The following ARB2A variants were observed in gnomAD, a reference collection of about 807,000 sequenced individuals.
The protein encoded by ARB2A is ARB2 cotranscriptional regulator A.
the ARB2A span, among the ~76,000 whole-genome samples, chr5:93,729,163 G>A: frequency 1.3e-5 from 2 of 151,642 alleles, no homozygotes; most frequent in East Asian, 1.9e-4. Context: ...TATCCTTTAC[G>A]TTGTTCCCCG....
the ARB2A span, among the ~76,000 whole-genome samples, chr5:93,933,068 T>G: frequency 6.6e-6 from 1 of 152,282 alleles, no homozygotes; most frequent in South Asian, 2.1e-4. Flanking sequence ...TCATCACTGG[T>G]CATTAAAGAA....
chr5:93,994,621 C>T, the ARB2A span, among the ~76,000 whole-genome samples: 1 of 151,766 alleles, frequency 6.6e-6, no homozygotes, highest in Non-Finnish European at 1.5e-5. Context: ...TCAATAAATA[C>T]ACTGGTAAAT....
At chr5:93,618,065 G>A in the ARB2A span, 12 of 151,866 alleles carry the variant, frequency 7.9e-5, no homozygotes, top group Admixed American at 6.6e-4. Flanking sequence ...TAATAACACC[G>A]CTGTTGTTGG....
chr5:94,004,002 T>C, the ARB2A span, among the ~76,000 whole-genome samples: 2 of 152,168 alleles, frequency 1.3e-5, no homozygotes, highest in Non-Finnish European at 2.9e-5. Context: ...TATAGATCAA[T>C]AGAATATAAT....
At chr5:93,704,278 G>A in the ARB2A span, among the ~76,000 whole-genome samples, 1 of 152,200 alleles carries the variant, frequency 6.6e-6, no homozygotes, top group African/African-American at 2.4e-5. Flanking sequence ...GCCCAAGTAT[G>A]TAGTGGACTT....
At chr5:93,797,181 C>T in the ARB2A span, among the ~76,000 whole-genome samples, 2 of 152,114 alleles carry the variant, frequency 1.3e-5, no homozygotes, top group Non-Finnish European at 2.9e-5. Context: ...CATCTGACAG[C>T]TCTGATGCAT....
the ARB2A span, among the ~76,000 whole-genome samples, chr5:93,873,139 C>G: frequency 6.6e-6 from 1 of 151,614 alleles, no homozygotes; most frequent in Non-Finnish European, 1.5e-5. Context: ...TTAAAAATCT[C>G]CTGTGCGTCA....
At chr5:93,904,889 A>C in the ARB2A span, among the ~76,000 whole-genome samples, 1 of 151,742 alleles carries the variant, frequency 6.6e-6, no homozygotes, top group Non-Finnish European at 1.5e-5. Context: ...TTTTCTATTA[A>C]GGAGTCAATG....
chr5:93,628,515 A>T, the ARB2A span, among the ~76,000 whole-genome samples: 1 of 152,242 alleles, frequency 6.6e-6, no homozygotes, highest in African/African-American at 2.4e-5. Context: ...AAAGTCCTAG[A>T]TGGCATCTTC....
At chr5:94,012,318 C>T in the ARB2A span, among the ~76,000 whole-genome samples, 3 of 152,326 alleles carry the variant, frequency 2.0e-5, no homozygotes, top group Non-Finnish European at 2.9e-5. Flanking sequence ...AGGAGAATGG[C>T]GTGAACCCGG....
the ARB2A span, among the ~76,000 whole-genome samples, chr5:93,788,549 C>T: frequency 6.6e-6 from 1 of 152,184 alleles, no homozygotes; most frequent in South Asian, 2.1e-4. Flanking sequence ...AATTCAAATG[C>T]TTCATGTCAT....
the ARB2A span, among the ~76,000 whole-genome samples, chr5:93,831,889 C>G: frequency 1.3e-5 from 2 of 152,164 alleles, no homozygotes; most frequent in South Asian, 4.1e-4. Context: ...TAAATGTCTT[C>G]AGCTTGACTA....
chr5:93,668,103 T>TA, the ARB2A span, among the ~76,000 whole-genome samples: 1 of 152,172 alleles, frequency 6.6e-6, no homozygotes, highest in African/African-American at 2.4e-5. Flanking sequence ...TTAAAGCTTT[T>TA]AAAAAAATTA....
At chr5:93,683,780 G>A in the ARB2A span, 2 of 1,403,742 alleles carry the variant, frequency 1.4e-6, no homozygotes, top group South Asian at 1.2e-5. Context: ...CGCTGCTGCA[G>A]AGAACAGCCG....
At chr5:93,715,732 G>A in the ARB2A span, among the ~76,000 whole-genome samples, 32 of 149,952 alleles carry the variant, frequency 2.1e-4, no homozygotes, top group South Asian at 4.7e-3. Context: ...AATTTGGCAC[G>A]CAATTTCCTA....
chr5:93,638,346 C>CT, the ARB2A span, among the ~76,000 whole-genome samples: 1 of 152,186 alleles, frequency 6.6e-6, no homozygotes. Context: ...CTTGCTGGCA[C>CT]TTTGACAGGA....
At chr5:93,837,085 A>G in the ARB2A span, among the ~76,000 whole-genome samples, 1 of 152,108 alleles carries the variant, frequency 6.6e-6, no homozygotes, top group East Asian at 1.9e-4. Context: ...CACCTAGGCA[A>G]TAAGTATAGT....
chr5:93,764,052 T>A, the ARB2A span, among the ~76,000 whole-genome samples: 31 of 152,142 alleles, frequency 2.0e-4, no homozygotes, highest in African/African-American at 7.2e-4. Context: ...CAAAGCAGTG[T>A]GTAGAGGGAA....
At chr5:93,935,622 C>T in the ARB2A span, among the ~76,000 whole-genome samples, 50 of 152,128 alleles carry the variant, frequency 3.3e-4, 1 homozygote, top group African/African-American at 1.0e-3. Context: ...TCAAGGTAAA[C>T]GGCAGTGTAC....
Sources: gnomAD v4.1 joint callset for allele counts (sites outside exome capture counted in the v4.1 genomes callset) on GRCh38, gnomAD v4.1.1 for gene constraint, MANE v1.5 for transcripts, NCBI Gene and HGNC (gene_info 2026-07-23, HGNC 2026-07-21) for gene names.